KALRN: variants seen among roughly 807,000 people sequenced by gnomAD.
KALRN encodes kalirin.
Under a neutral mutation model 353.7 loss-of-function variants are expected in KALRN, and 70 were observed. That is an observed-to-expected ratio of 0.20 (90% CI 0.16 to 0.24). The LOEUF is 0.24. Among genes scored for constraint, KALRN ranks in the 10% least tolerant of loss-of-function variants. The pLI is 1.00. For missense variants in KALRN, 2,791 were observed against 3,756.7 expected (o/e 0.74, Z 6.72); for synonymous variants, 1,391 against 1,434.8 (o/e 0.97, Z 0.69).
At chr3:124,699,792 T>C (rs924664958) in intron 55 of KALRN, 77 bp from the exon 56 acceptor site, 1 of 1,394,186 alleles carries the variant, frequency 7.2e-7, no homozygotes, top group African/African-American at 1.4e-5. Context: ...TATTTTCCTG[T>C]CTTTGTTTGC....
intron 1 of KALRN, among the ~76,000 whole-genome samples, chr3:124,135,433 G>A (rs568691729): frequency 1.3e-5 from 2 of 152,146 alleles, no homozygotes; most frequent in African/African-American, 2.4e-5. Flanking sequence ...AGGGTGTACT[G>A]CTTGGGTGAT....
At chr3:124,228,828 C>T (rs2078858269) in intron 2 of KALRN, among the ~76,000 whole-genome samples, 1 of 152,140 alleles carries the variant, frequency 6.6e-6, no homozygotes, top group Non-Finnish European at 1.5e-5. Flanking sequence ...GGCTGTGCTT[C>T]CAGAGTTTCT....
At chr3:124,455,128 G>T in intron 21 of KALRN, 49 bp from the exon 22 acceptor site, 1 of 1,597,488 alleles carries the variant, frequency 6.3e-7, no homozygotes, top group Non-Finnish European at 8.6e-7. Flanking sequence ...GGGTGAAGGG[G>T]CAGGAGAATA....
intron 13 of KALRN, among the ~76,000 whole-genome samples, chr3:124,403,294 A>G (rs924928174): frequency 6.6e-6 from 1 of 152,232 alleles, no homozygotes; most frequent in African/African-American, 2.4e-5. Flanking sequence ...ATATATACAC[A>G]TATATGCATA....
chr3:124,617,070 G>A (rs1026839671), intron 34 of KALRN, among the ~76,000 whole-genome samples: 3 of 152,010 alleles, frequency 2.0e-5, no homozygotes, highest in Non-Finnish European at 4.4e-5. Flanking sequence ...GGTGGCTCAC[G>A]TCTGTAATCC....
At chr3:124,484,111 A>G (rs1234880028) in intron 28 of KALRN, among the ~76,000 whole-genome samples, 1 of 152,216 alleles carries the variant, frequency 6.6e-6, no homozygotes, top group Non-Finnish European at 1.5e-5. Flanking sequence ...ATGTTTAGAG[A>G]TGTCTGCAAA....
chr3:124,314,449 T>A (rs903744937), intron 6 of KALRN, among the ~76,000 whole-genome samples: 1 of 151,602 alleles, frequency 6.6e-6, no homozygotes, highest in Non-Finnish European at 1.5e-5. Flanking sequence ...TGTATACATA[T>A]GTAACAAACC....
chr3:124,472,928 C>G (rs554071608), intron 25 of KALRN, among the ~76,000 whole-genome samples: 6 of 152,286 alleles, frequency 3.9e-5, no homozygotes, highest in Non-Finnish European at 5.9e-5. Flanking sequence ...TAAGGACAAA[C>G]TGGGTACAGC....
chr3:124,569,016 CCA>C (rs1168577408), intron 34 of KALRN, among the ~76,000 whole-genome samples: 1 of 152,166 alleles, frequency 6.6e-6, no homozygotes. Flanking sequence ...TACTTCTGCC[CCA>C]GGCTCCAATA....
chr3:124,168,532 G>A (rs944011789), intron 1 of KALRN, among the ~76,000 whole-genome samples: 9 of 152,144 alleles, frequency 5.9e-5, no homozygotes, highest in African/African-American at 1.9e-4. Context: ...TCATTGGGAG[G>A]GCCTGGATCA....
chr3:124,696,309 G>C, intron 54 of KALRN, 54 bp downstream of exon 54: 1 of 1,560,586 alleles, frequency 6.4e-7, no homozygotes, highest in Non-Finnish European at 8.8e-7. Context: ...TTTTTAGACA[G>C]GTTCTTGCTC....
At chr3:124,255,006 T>C (rs2071740194) in intron 3 of KALRN, among the ~76,000 whole-genome samples, 1 of 152,044 alleles carries the variant, frequency 6.6e-6, no homozygotes, top group Admixed American at 6.6e-5. Flanking sequence ...AGTGCAATGG[T>C]GCGATCTCAG....
intron 1 of KALRN, among the ~76,000 whole-genome samples, chr3:124,119,958 C>A (rs1329232758): frequency 1.3e-5 from 2 of 152,110 alleles, no homozygotes; most frequent in African/African-American, 4.8e-5. Context: ...TGTGCTCACA[C>A]CTTGGGGATT....
rs749613491 is a variant in KALRN at position 124,247,626 on chromosome 3, A to G, written c.263+12683A>G. 5.9e-5 allele frequency among the ~76,000 whole-genome samples: 9 copies of G among 152,318 alleles called. No individual in the cohort carries two copies. The South Asian group carries it at 6.2e-4, about 11-fold the overall frequency. ...GTAGATCTGAAGTTGCAGTGCCCCA[A>G]GCGAACTTATCTCTTGGAGCTCCCA... On this transcript the variant is annotated intron_variant, in intron 3 of 59. Transcript: ENST00000682506.
chr3:124,264,462 C>T, intron 3 of KALRN, 36 bp from the exon 4 acceptor site: 1 of 1,595,710 alleles, frequency 6.3e-7, no homozygotes, highest in Non-Finnish European at 8.6e-7. Context: ...TCTCAGCTAC[C>T]CAGAGTGACC....
intron 25 of KALRN, among the ~76,000 whole-genome samples, chr3:124,467,296 C>T (rs1410808114): frequency 6.6e-6 from 1 of 152,234 alleles, no homozygotes; most frequent in Non-Finnish European, 1.5e-5. Flanking sequence ...TTTCAGTCAA[C>T]TTCCCAGAGT....
intron 1 of KALRN, among the ~76,000 whole-genome samples, chr3:124,081,112 G>C (rs1259116116): frequency 6.6e-6 from 1 of 152,134 alleles, no homozygotes; most frequent in Non-Finnish European, 1.5e-5. Flanking sequence ...TTTGTAAAAG[G>C]CTTAGCAGAA....
chr3:124,457,646 C>A (rs1376700759), intron 23 of KALRN, among the ~76,000 whole-genome samples: 1 of 152,182 alleles, frequency 6.6e-6, no homozygotes, highest in Non-Finnish European at 1.5e-5. Context: ...TTCTTTCAGG[C>A]AGCTATGATT....
At chr3:124,482,012 G>A (rs2062039640) in intron 27 of KALRN, among the ~76,000 whole-genome samples, 1 of 152,196 alleles carries the variant, frequency 6.6e-6, no homozygotes, top group Non-Finnish European at 1.5e-5. Flanking sequence ...AGACTTTGGG[G>A]AGTAGAAGAT....
Sources: allele counts gnomAD v4.1 joint callset (sites outside exome capture counted in the v4.1 genomes callset), GRCh38; gene constraint gnomAD v4.1.1; transcripts MANE v1.5; gene names NCBI Gene and HGNC (gene_info 2026-07-23, HGNC 2026-07-21).